PITPNC1: variants seen among roughly 807,000 people sequenced by gnomAD.
PITPNC1 encodes the protein phosphatidylinositol transfer protein cytoplasmic 1, also known as cytoplasmic phosphatidylinositol transfer protein 1.
PITPNC1 carries 18 observed loss-of-function variants against 44.7 expected under a neutral mutation model. The ratio of observed to expected loss-of-function variants is 0.40; its 90% CI spans 0.28 to 0.60. PITPNC1 has a LOEUF of 0.60. Ranked by LOEUF, PITPNC1 falls within the 20% of genes least tolerant of loss-of-function variation. The probability of loss-of-function intolerance (pLI) is 0.39; values close to 1 mark genes in which losing one functional copy is unlikely to be tolerated. For missense variants in PITPNC1, 290 were observed against 418.4 expected, an observed-to-expected ratio of 0.69 and a Z score of 2.68; for synonymous variants, 141 against 149.6, an observed-to-expected ratio of 0.94 and a Z score of 0.42.
At chr17:67,655,060 A>G (rs149269311) in intron 6 of PITPNC1, among the ~76,000 whole-genome samples, 89 of 152,328 alleles carry the variant, frequency 5.8e-4, no homozygotes, top group Non-Finnish European at 2.1e-4. Context: ...TTTGGGCTGC[A>G]ATAACAGAAT....
At chr17:67,482,726 A>G (rs930132150) in intron 1 of PITPNC1, among the ~76,000 whole-genome samples, 1 of 152,228 alleles carries the variant, frequency 6.6e-6, no homozygotes, top group Admixed American at 6.5e-5. Flanking sequence ...CGGAAGCCCC[A>G]TAAGGCGAGA....
intron 1 of PITPNC1, among the ~76,000 whole-genome samples, chr17:67,398,667 C>A (rs1429071756): frequency 1.3e-5 from 2 of 152,110 alleles, no homozygotes; most frequent in Middle Eastern, 3.2e-3. Flanking sequence ...GCAGCAGCGA[C>A]CACCAGTGAC....
At chr17:67,674,095 GCAATGTGAAATAGGCA>G (rs2042561012) in intron 7 of PITPNC1, among the ~76,000 whole-genome samples, 2 of 152,006 alleles carry the variant, frequency 1.3e-5, no homozygotes, top group Non-Finnish European at 2.9e-5. Flanking sequence ...CATAAGGCCT[GCAATGTGAAATAGGCA>G]CAATGTGAGG....
chr17:67,600,644 T>G (rs1366534973), intron 5 of PITPNC1, among the ~76,000 whole-genome samples: 1 of 151,832 alleles, frequency 6.6e-6, no homozygotes, highest in African/African-American at 2.4e-5. Context: ...TACAACCCAT[T>G]TCATAGCACA....
At position 67,532,945 on chromosome 17, in the gene PITPNC1, C is replaced by G. The variant is rs774855241; in HGVS notation, c.192C>G (p.Leu64=). Residue 64 remains leucine, a synonymous_variant, in exon 2 of 9, where the codon CTC becomes CTG. Coordinates refer to ENST00000581322, the MANE Select transcript of PITPNC1 (RefSeq NM_012417.4). ...NGQFTEKRVY[L]NSKLPSWARA... is the part of the protein sequence containing the mutation. ...AGTTCACCGAGAAGCGGGTGTATCT[C>G]AACAGGTGAGTCATGGCAGCCTGCG... The G allele has an allele frequency of 1.1e-5, 18 of 1,608,240 alleles. No homozygotes were observed. The Admixed American group carries it at 3.0e-4, about 27-fold the overall frequency.
intron 2 of PITPNC1, among the ~76,000 whole-genome samples, chr17:67,551,944 A>G (rs1404304010): frequency 6.6e-6 from 1 of 152,116 alleles, no homozygotes; most frequent in African/African-American, 2.4e-5. Flanking sequence ...AGGCTGGCCA[A>G]CCCTCCAAAC....
At chr17:67,674,338 T>C (rs1483982683) in intron 7 of PITPNC1, among the ~76,000 whole-genome samples, 1 of 151,804 alleles carries the variant, frequency 6.6e-6, no homozygotes. Context: ...ACCCTGTCTG[T>C]ACTAAAAATA....
intron 1 of PITPNC1, among the ~76,000 whole-genome samples, chr17:67,424,612 G>C (rs867479385): frequency 6.6e-6 from 1 of 152,028 alleles, no homozygotes; most frequent in Non-Finnish European, 1.5e-5. Context: ...ATCCGGGATC[G>C]CACTACTGTG....
At chr17:67,548,569 C>A (rs892728934) in intron 2 of PITPNC1, among the ~76,000 whole-genome samples, 1 of 151,910 alleles carries the variant, frequency 6.6e-6, no homozygotes, top group Non-Finnish European at 1.5e-5. Context: ...CCAGCCTGGG[C>A]GACAGAGCAA....
intron 5 of PITPNC1, among the ~76,000 whole-genome samples, chr17:67,579,614 A>ATTTTT (rs558310588): frequency 1.1e-5 from 1 of 88,788 alleles, no homozygotes; most frequent in Admixed American, 1.3e-4. Context: ...TAAAATAGTG[A>ATTTTT]TTTTTTTTTT....
chr17:67,620,650 G>A (rs2041817598), intron 5 of PITPNC1, among the ~76,000 whole-genome samples: 1 of 151,990 alleles, frequency 6.6e-6, no homozygotes, highest in Non-Finnish European at 1.5e-5. Flanking sequence ...TTTCCCCTCT[G>A]CGCCAAAGGC....
intron 1 of PITPNC1, among the ~76,000 whole-genome samples, chr17:67,425,206 CA>C (rs2038740787): frequency 7.8e-5 from 2 of 25,478 alleles, no homozygotes; most frequent in African/African-American, 6.3e-4. Flanking sequence ...CGCACACGCA[CA>C]CACACACACA....
chr17:67,497,834 G>A (rs928137075), intron 1 of PITPNC1, among the ~76,000 whole-genome samples: 1 of 147,810 alleles, frequency 6.8e-6, no homozygotes, highest in African/African-American at 2.5e-5. Context: ...AGCCTGTTTA[G>A]GTTTTTGTGC....
intron 1 of PITPNC1, among the ~76,000 whole-genome samples, chr17:67,409,378 C>T (rs1361978395): frequency 6.6e-6 from 1 of 152,102 alleles, no homozygotes; most frequent in Non-Finnish European, 1.5e-5. Context: ...GCCACCGCGC[C>T]CGGCCCCAAA....
intron 2 of PITPNC1, among the ~76,000 whole-genome samples, chr17:67,545,173 G>A (rs752884187): frequency 2.6e-5 from 4 of 152,130 alleles, no homozygotes; most frequent in Admixed American, 6.5e-5. Flanking sequence ...ATAGGCAGGC[G>A]TGGTAGCACA....
At chr17:67,380,625 C>T in intron 1 of PITPNC1, among the ~76,000 whole-genome samples, 1 of 152,092 alleles carries the variant, frequency 6.6e-6, no homozygotes, top group African/African-American at 2.4e-5. Context: ...GCCTAGTTTG[C>T]CAGATGTTAA....
At chr17:67,573,924 T>C (rs2082532) in intron 4 of PITPNC1, among the ~76,000 whole-genome samples, 1,547 of 152,276 alleles carry the variant, frequency 0.01, 22 homozygotes, top group African/African-American at 0.035. Flanking sequence ...TGATTATAGA[T>C]GGGGGAAGAA....
intron 1 of PITPNC1, among the ~76,000 whole-genome samples, chr17:67,428,580 CA>C (rs146551375): frequency 0.011 from 1,715 of 150,948 alleles, 19 homozygotes; most frequent in Non-Finnish European, 0.018. Flanking sequence ...CTGCGCCTAG[CA>C]ATACAAATAG....
chr17:67,531,208 A>T (rs758030656), intron 1 of PITPNC1, among the ~76,000 whole-genome samples: 1 of 152,242 alleles, frequency 6.6e-6, no homozygotes, highest in African/African-American at 2.4e-5. Context: ...ACACCACTGT[A>T]GTCCCGCCCG....
Sources: gnomAD v4.1 joint callset for allele counts (sites outside exome capture counted in the v4.1 genomes callset) on GRCh38, gnomAD v4.1.1 for gene constraint, MANE v1.5 for transcripts, NCBI Gene and HGNC (gene_info 2026-07-23, HGNC 2026-07-21) for gene names.